The following TBC1D16 variants were observed in gnomAD, a reference collection of about 807,000 sequenced individuals.
TBC1D16 encodes TBC1 domain family member 16, also known as CTD-2529O21.1.
In TBC1D16, 58 loss-of-function variants were observed where a neutral mutation model predicts 74.7. The ratio of observed to expected loss-of-function variants is 0.78; its 90% CI spans 0.63 to 0.97. The LOEUF is 0.97. TBC1D16 is among the 50% of genes least tolerant of loss of function. The probability of loss-of-function intolerance (pLI) is 0.00; values close to 1 mark genes in which losing one functional copy is unlikely to be tolerated. For missense variants in TBC1D16, 1,014 were observed against 1,079.5 expected (o/e 0.94, Z 0.85); for synonymous variants, 493 against 474.7 (o/e 1.04, Z -0.50).
At chr17:79,942,801 C>T (rs2032142205) in intron 10 of TBC1D16, among the ~76,000 whole-genome samples, 1 of 152,206 alleles carries the variant, frequency 6.6e-6, no homozygotes, top group African/African-American at 2.4e-5. Context: ...AGCAGCTCAC[C>T]CACAGGGTGG....
chr17:79,976,942 G>A (rs1229163878), intron 3 of TBC1D16, among the ~76,000 whole-genome samples: 1 of 152,212 alleles, frequency 6.6e-6, no homozygotes, highest in Non-Finnish European at 1.5e-5. Flanking sequence ...CCTGCAGAAG[G>A]CTACAGGGAA....
rs60518667 is a variant in TBC1D16, at chr17:79,986,685, G to GGCAGAGTTCACA, written c.779+23474_779+23475insTGTGAACTCTGC. The stretch of plus-strand genomic sequence containing the variant: ...CTTATTAAAGGGCAGAGCCACCATG[G>GGCAGAGTTCACA]TGGGTGAACGGGCTTCCTCTCGGAA... On this transcript the variant is annotated intron_variant, in intron 3 of 11. Transcript: ENST00000310924. This position sits in a 1 kb window ranked among gnomAD's most constrained non-coding sequence, Gnocchi z 6.0. Among the ~76,000 whole-genome samples the GGCAGAGTTCACA allele has an allele frequency of 4.1e-4, 62 of 152,326 alleles. 3 individuals are homozygous for GGCAGAGTTCACA. In the East Asian group the frequency reaches 0.011, roughly 27 times the overall value.
chr17:79,949,771 C>A lies in TBC1D16; in HGVS notation c.1352G>T (p.Arg451Leu). Residue 451 changes from arginine (R) to leucine (L), a missense_variant, in exon 7 of 12, where the codon CGG becomes CTG. Transcript: ENST00000310924. ...TCGCTTCTGCAGCCGCAGCGCCTCC[C>A]GCTCCTCCGACGTGGACTCGTGGCT... Reference protein sequence around the residue: ...YYSHESTSEEREALRLQKRKE... With the variant: ...YYSHESTSEELEALRLQKRKE... The A allele has an allele frequency of 1.2e-6, 2 of 1,613,650 alleles. No individual in the cohort carries two copies. Among genetic ancestry groups the A allele is most frequent in the Non-Finnish European group, 1.7e-6 (2 of 1,179,906 alleles).
At position 79,949,776 on chromosome 17, in the gene TBC1D16, C is replaced by G; in HGVS notation, c.1347G>C (p.Glu449Asp). Residue 449 changes from glutamate to aspartate, a missense_variant, in exon 7 of 12, where the codon GAG (glutamate) becomes GAC (aspartate). Glu to Asp is a conservative substitution (Grantham distance 45). Transcript: ENST00000310924. ...LRYYSHESTS[E>D]EREALRLQKR... ...TCTGCAGCCGCAGCGCCTCCCGCTC[C>G]TCCGACGTGGACTCGTGGCTGTAAT... is the stretch of plus-strand genomic sequence containing the variant. The G allele has an allele frequency of 1.9e-6, 3 of 1,613,736 alleles. No homozygotes were observed. Among genetic ancestry groups the G allele is most frequent in the Non-Finnish European group, 2.5e-6 (3 of 1,179,930 alleles).
At chr17:79,945,403 C>A (rs1282441425) in intron 9 of TBC1D16, among the ~76,000 whole-genome samples, 4 of 152,220 alleles carry the variant, frequency 2.6e-5, no homozygotes, top group Non-Finnish European at 5.9e-5. Flanking sequence ...GCTCCCCACC[C>A]TCAGTGCACA....
intron 3 of TBC1D16, 33 bp from the exon 4 acceptor site, chr17:79,952,851 C>A (rs749269765): frequency 6.3e-7 from 1 of 1,578,634 alleles, no homozygotes; most frequent in Non-Finnish European, 8.6e-7. Context: ...GATCGCCACA[C>A]TTCTCCCTGC....
intron 3 of TBC1D16, among the ~76,000 whole-genome samples, chr17:80,006,510 G>C (rs932315092): frequency 2.0e-5 from 3 of 152,174 alleles, no homozygotes; most frequent in African/African-American, 7.2e-5. Context: ...CCGGGGGATG[G>C]GGATGGGGCA....
In TBC1D16 at chr17:80,012,064, GCAGTTT is replaced by G. The variant is rs551296308; in HGVS notation, c.181+1297_181+1302del. ...GTGGCATTTCCTAACCCAGCACCACGCAGTTTCAGGATATCCTGATTCCTGGGCCTC... is the reference window on the plus strand; with the variant it reads ...GTGGCATTTCCTAACCCAGCACCACGCAGGATATCCTGATTCCTGGGCCTC... On this transcript the variant is annotated intron_variant, in intron 2 of 11. Transcript: ENST00000310924. 4.9e-3 allele frequency among the ~76,000 whole-genome samples: 743 copies of G among 152,210 alleles called. 2 individuals carry two copies. Among genetic ancestry groups the G allele is most frequent in the Non-Finnish European group, 8.1e-3 (548 of 68,012 alleles).
chr17:80,007,411 T>A lies in TBC1D16; in HGVS notation c.779+2749A>T, dbSNP rs115033207. On this transcript the variant is annotated intron_variant, in intron 3 of 11. Coordinates refer to ENST00000310924, the MANE Select transcript of TBC1D16 (RefSeq NM_019020.4). The surrounding 1 kb of genome is among the most constrained non-coding windows in gnomAD (Gnocchi z 4.5). ...TCTGCGTTTTGGATGTGGGAGGTAA[T>A]GGCCACAAGATCACACATAACTCAG... is the stretch of plus-strand genomic sequence containing the variant. Among the ~76,000 whole-genome samples the A allele has an allele frequency of 0.013, 1,974 of 152,320 alleles. 17 individuals carry two copies. The highest frequency in any genetic ancestry group is 0.043 in the South Asian group (206 of 4,822).
In TBC1D16 at chr17:79,940,786, A is replaced by C; in HGVS notation, c.*73T>G. ...ACCGTCCCCTGTCCCCTTCACGCCC[A>C]GCCCCACCCCCTCCCGTGCCCAGGG... On this transcript the variant is annotated 3_prime_UTR_variant, in exon 12 of 12. Coordinates refer to ENST00000310924, the MANE Select transcript of TBC1D16 (RefSeq NM_019020.4). This position sits in a 1 kb window ranked among gnomAD's most constrained non-coding sequence, Gnocchi z 5.4. 7.0e-7 allele frequency: 1 copy of C among 1,428,420 alleles called. No homozygotes were observed. The highest frequency in any genetic ancestry group is 1.4e-5 in the African/African-American group (1 of 69,832). The allele number at this position is 1,428,420 out of a possible 1,614,324, so 88.5% of individuals were successfully genotyped here.
rs918854740 is a variant in TBC1D16 at position 79,941,771 on chromosome 17, G to C, written c.2055+289C>G. Among the ~76,000 whole-genome samples, 1 of 152,190 alleles carries C rather than the reference G, an allele frequency of 6.6e-6. No individual in the cohort carries two copies. The highest frequency in any genetic ancestry group is 1.5e-5 in the Non-Finnish European group (1 of 68,022). On this transcript the variant is annotated intron_variant, in intron 11 of 11. Coordinates refer to ENST00000310924, the MANE Select transcript of TBC1D16 (RefSeq NM_019020.4). The surrounding 1 kb of genome is among the most constrained non-coding windows in gnomAD (Gnocchi z 4.3). ...GGAACCTGTCCTGTCCGTCAGCCCC[G>C]GTGAATTCGTTCCCTCCTCAGCCAG... is the stretch of plus-strand genomic sequence containing the variant.
Position 79,954,487 on chromosome 17 carries a change from G to A in TBC1D16, c.780-1669C>T, listed in dbSNP as rs2033239259. Among the ~76,000 whole-genome samples, 2 of 152,180 alleles carry A rather than the reference G, an allele frequency of 1.3e-5. No individual in the cohort carries two copies. Among genetic ancestry groups the A allele is most frequent in the Admixed American group, 1.3e-4 (2 of 15,278 alleles). On this transcript the variant is annotated intron_variant, in intron 3 of 11. Transcript: ENST00000310924. The surrounding 1 kb of genome is among the most constrained non-coding windows in gnomAD (Gnocchi z 5.5). ...GGGCCCCTGGGCTCTCAAGGAAACT[G>A]AGTCAGGTAAAACTAGATCAGAGAT...
chr17:79,966,908 AATAG>A (rs1477651163), intron 3 of TBC1D16, among the ~76,000 whole-genome samples: 3 of 152,230 alleles, frequency 2.0e-5, no homozygotes, highest in Non-Finnish European at 4.4e-5. Context: ...AACATATGAA[AATAG>A]ATGGATGTAA....
At chr17:79,978,451 G>T (rs12945356) in intron 3 of TBC1D16, among the ~76,000 whole-genome samples, 1 of 152,168 alleles carries the variant, frequency 6.6e-6, no homozygotes, top group Non-Finnish European at 1.5e-5. Flanking sequence ...TGCCAGCCGT[G>T]GGGGCGGGGT....
At chr17:79,969,001 T>C (rs1380332787) in intron 3 of TBC1D16, among the ~76,000 whole-genome samples, 1 of 152,080 alleles carries the variant, frequency 6.6e-6, no homozygotes, top group African/African-American at 2.4e-5. Context: ...AATTTAAAAA[T>C]GGGCAAATAA....
chr17:79,961,618 T>A lies in TBC1D16; in HGVS notation c.780-8800A>T, dbSNP rs921938626. ...GGCTCACGCCTATAATCCCAGCACT[T>A]TGGGAGGCCGAGGCTGGTGGATCAC... is the stretch of plus-strand genomic sequence containing the variant. On this transcript the variant is annotated intron_variant, in intron 3 of 11. Coordinates refer to ENST00000310924, the MANE Select transcript of TBC1D16 (RefSeq NM_019020.4). The surrounding 1 kb of genome is among the most constrained non-coding windows in gnomAD (Gnocchi z 4.8). Among the ~76,000 whole-genome samples, 3 of 152,154 alleles carry A rather than the reference T, an allele frequency of 2.0e-5. No individual in the cohort carries two copies. Among genetic ancestry groups the A allele is most frequent in the African/African-American group, 7.2e-5 (3 of 41,444 alleles).
chr17:80,034,449 G>C (rs1016923208), intron 1 of TBC1D16, among the ~76,000 whole-genome samples: 4 of 152,018 alleles, frequency 2.6e-5, no homozygotes, highest in African/African-American at 9.7e-5. Flanking sequence ...TGATCCGCTC[G>C]CCTCGTCCTC....
rs1238004569 is a variant in TBC1D16 at position 79,941,581 on chromosome 17, G to A, written c.2056-474C>T. On this transcript the variant is annotated intron_variant, in intron 11 of 11. Coordinates refer to ENST00000310924, the MANE Select transcript of TBC1D16 (RefSeq NM_019020.4). This position sits in a 1 kb window ranked among gnomAD's most constrained non-coding sequence, Gnocchi z 4.3. ...CCTCGGGACCCCCGCTCAGTGCCCT[G>A]AGGACCACCAGAGAGCTAACGGGCA... Among the ~76,000 whole-genome samples the A allele has an allele frequency of 5.9e-5, 9 of 152,148 alleles. No individual in the cohort carries two copies. The highest frequency in any genetic ancestry group is 1.3e-4 in the Non-Finnish European group (9 of 68,018).
At chr17:80,027,998 G>A (rs1464773163) in intron 1 of TBC1D16, among the ~76,000 whole-genome samples, 2 of 151,792 alleles carry the variant, frequency 1.3e-5, no homozygotes, top group Admixed American at 1.3e-4. Context: ...ATTTTGAAAC[G>A]GTGATGTCCT....
Sources: gnomAD v4.1 joint callset for allele counts (sites outside exome capture counted in the v4.1 genomes callset) on GRCh38, gnomAD v4.1.1 for gene constraint, Gnocchi (gnomAD v3.1) non-coding constraint, MANE v1.5 for transcripts, NCBI Gene and HGNC (gene_info 2026-07-23, HGNC 2026-07-21) for gene names.